The following WDFY3 variants were observed in gnomAD, a reference collection of about 807,000 sequenced individuals.
WDFY3 encodes WD repeat and FYVE domain containing 3, also known as WD repeat and FYVE domain-containing protein 3.
In WDFY3, 66 loss-of-function variants were observed where a neutral mutation model predicts 409.6. That is an observed-to-expected ratio of 0.16 (90% confidence interval 0.13 to 0.20). WDFY3 has a LOEUF of 0.20. Ranked by LOEUF, WDFY3 falls within the 10% of genes least tolerant of loss-of-function variation. The pLI, the probability that WDFY3 is intolerant of heterozygous loss-of-function variation, is 1.00. For missense variants in WDFY3, 3,031 were observed against 4,298.1 expected, an observed-to-expected ratio of 0.71 and a Z score of 8.24; for synonymous variants, 1,521 against 1,537.1, an observed-to-expected ratio of 0.99 and a Z score of 0.25.
rs772763473 is a variant in WDFY3 at position 84,850,071 on chromosome 4, T to C, written c.181-46A>G. 4 of 1,533,102 alleles carry C rather than the reference T, an allele frequency of 2.6e-6. No homozygotes were observed. The South Asian group carries it at 5.1e-5, about 20-fold the overall frequency. 95.0% of individuals were successfully genotyped at this position (1,533,102 alleles called of 1,614,324 possible). On this transcript the variant is annotated intron_variant, in intron 4 of 67. Transcript: ENST00000295888. ...TGTTAATGAAGCACTGACAAATTTT[T>C]CTTTTTATTTTGTGAATTTTCAAGT...
At position 84,803,304 on chromosome 4, in the gene WDFY3, C is replaced by T. The variant is rs999001160; in HGVS notation, c.2593G>A (p.Val865Met). Reference sequence around the variant, plus strand: ...TTCAAGCTTACTTCTGGCTGTGTCACTGACCCAACAGAGGCCAGTAGGTCC... The same window carrying T: ...TTCAAGCTTACTTCTGGCTGTGTCATTGACCCAACAGAGGCCAGTAGGTCC... ...MLDLLASVGS[V>M]TQPEHALDLQ... The change falls in exon 16 of 68, where the codon GTG becomes ATG. Residue 865 changes from valine to methionine, a missense_variant. Physicochemically the swap from Val to Met is conservative, Grantham distance 21. Transcript: ENST00000295888. 2 of 1,606,806 alleles carry T rather than the reference C, an allele frequency of 1.2e-6. No homozygotes were observed. Among genetic ancestry groups the T allele is most frequent in the African/African-American group, 2.7e-5 (2 of 74,504 alleles).
intron 51 of WDFY3, among the ~76,000 whole-genome samples, chr4:84,712,112 C>A (rs546534688): frequency 6.6e-6 from 1 of 151,526 alleles, no homozygotes; most frequent in African/African-American, 2.4e-5. Flanking sequence ...TCACTTGAGG[C>A]CAGGAGTTTG....
chr4:84,764,109 T>A (rs1390352444), intron 32 of WDFY3, among the ~76,000 whole-genome samples: 1 of 152,198 alleles, frequency 6.6e-6, no homozygotes, highest in Non-Finnish European at 1.5e-5. Flanking sequence ...AATGAGATGA[T>A]ATATGTGAAC....
chr4:84,955,414 G>A (rs1774120284), intron 1 of WDFY3, among the ~76,000 whole-genome samples: 1 of 152,160 alleles, frequency 6.6e-6, no homozygotes, highest in Non-Finnish European at 1.5e-5. Context: ...ATGCAGGGAA[G>A]AAACATACCC....
intron 32 of WDFY3, among the ~76,000 whole-genome samples, chr4:84,760,106 T>G (rs2149352091): frequency 6.6e-6 from 1 of 151,406 alleles, no homozygotes; most frequent in South Asian, 2.1e-4. Flanking sequence ...TGGATGACAT[T>G]TATTGATTTG....
chr4:84,709,564 C>T (rs1732542242), intron 51 of WDFY3, among the ~76,000 whole-genome samples: 2 of 152,146 alleles, frequency 1.3e-5, no homozygotes, highest in Non-Finnish European at 2.9e-5. Context: ...CATCAGAAGG[C>T]ATCACATATA....
intron 7 of WDFY3, among the ~76,000 whole-genome samples, chr4:84,835,031 G>A (rs545476277): frequency 2.6e-5 from 4 of 152,212 alleles, no homozygotes; most frequent in African/African-American, 4.8e-5. Flanking sequence ...ATCATAAACC[G>A]GAATATTAGT....
intron 46 of WDFY3, 121 bp from the exon 47 acceptor site, chr4:84,721,693 A>C (rs1734881548): frequency 8.7e-7 from 1 of 1,151,194 alleles, no homozygotes; most frequent in African/African-American, 1.5e-5. Flanking sequence ...AGGTATAGGG[A>C]GGTAGCACAT....
chr4:84,871,501 C>A (rs1422028186), intron 3 of WDFY3, among the ~76,000 whole-genome samples: 1 of 152,062 alleles, frequency 6.6e-6, no homozygotes, highest in African/African-American at 2.4e-5. Context: ...AGGAGATCTT[C>A]TCTGCAAGAA....
intron 3 of WDFY3, among the ~76,000 whole-genome samples, chr4:84,881,042 G>C (rs1297077843): frequency 6.6e-6 from 1 of 151,742 alleles, no homozygotes; most frequent in Non-Finnish European, 1.5e-5. Flanking sequence ...GTCTTACTGA[G>C]CTTCTTCAAT....
At chr4:84,789,235 T>C (rs1748061144) in intron 22 of WDFY3, among the ~76,000 whole-genome samples, 1 of 152,170 alleles carries the variant, frequency 6.6e-6, no homozygotes, top group Admixed American at 6.5e-5. Flanking sequence ...CAGTAATGTT[T>C]ATGTAGTCAT....
intron 1 of WDFY3, among the ~76,000 whole-genome samples, chr4:84,944,356 A>C (rs989713252): frequency 6.6e-6 from 1 of 151,952 alleles, no homozygotes; most frequent in Non-Finnish European, 1.5e-5. Context: ...TCTCTACGAA[A>C]AAAATTAAAA....
At chr4:84,806,991 G>GT (rs1391466461) in intron 15 of WDFY3, among the ~76,000 whole-genome samples, 1 of 152,056 alleles carries the variant, frequency 6.6e-6, no homozygotes, top group African/African-American at 2.4e-5. Context: ...AGGACTAAAT[G>GT]TTTTTAAACA....
chr4:84,785,064 T>C (rs1029320629), intron 24 of WDFY3, among the ~76,000 whole-genome samples: 2 of 151,862 alleles, frequency 1.3e-5, no homozygotes, highest in African/African-American at 2.4e-5. Flanking sequence ...CTTCAACCTA[T>C]TGTCAATAGA....
At chr4:84,891,022 A>G (rs1041101016) in intron 3 of WDFY3, among the ~76,000 whole-genome samples, 4 of 152,222 alleles carry the variant, frequency 2.6e-5, no homozygotes, top group Non-Finnish European at 5.9e-5. Context: ...ATTTAAAAAT[A>G]TAACAACCAT....
rs893849654 is a variant in WDFY3, at chr4:84,826,399, G to A, written c.1123+416C>T. On this transcript the variant is annotated intron_variant, in intron 10 of 67. Coordinates refer to ENST00000295888, the MANE Select transcript of WDFY3 (RefSeq NM_014991.6). ...TTGAGTATCTGTGGATTTTGGTATC[G>A]GCAGGGGGTCCTGGAACCAATCCCC... Among the ~76,000 whole-genome samples, 9 of 151,984 alleles carry A rather than the reference G, an allele frequency of 5.9e-5. No homozygotes were observed. In the South Asian group the frequency reaches 1.9e-3, roughly 32 times the overall value.
At chr4:84,675,040 G>A (rs531919622) in intron 67 of WDFY3, among the ~76,000 whole-genome samples, 29 of 151,562 alleles carry the variant, frequency 1.9e-4, no homozygotes, top group African/African-American at 6.8e-4. Context: ...GCGTGATCTC[G>A]GGTCACTGCA....
chr4:84,943,657 A>G (rs1292148926), intron 1 of WDFY3, among the ~76,000 whole-genome samples: 1 of 152,212 alleles, frequency 6.6e-6, no homozygotes, highest in Non-Finnish European at 1.5e-5. Context: ...CACTTCCCCT[A>G]GCCCCAACAT....
intron 1 of WDFY3, among the ~76,000 whole-genome samples, chr4:84,955,160 GCCA>G (rs887769210): frequency 6.6e-6 from 1 of 151,118 alleles, no homozygotes; most frequent in African/African-American, 2.4e-5. Flanking sequence ...CTGAGATTGT[GCCA>G]CTGCACTCCA....
Sources: allele counts gnomAD v4.1 joint callset (sites outside exome capture counted in the v4.1 genomes callset), GRCh38; gene constraint gnomAD v4.1.1; transcripts MANE v1.5; gene names NCBI Gene and HGNC (gene_info 2026-07-23, HGNC 2026-07-21).